The following PANX2 variants were observed in gnomAD, a reference collection of about 807,000 sequenced individuals.
PANX2 encodes the protein pannexin-2.
In PANX2, 30 loss-of-function variants were observed where a neutral mutation model predicts 38.7. The ratio of observed to expected loss-of-function variants is 0.78; its 90% CI spans 0.58 to 1.05. The LOEUF (loss-of-function observed/expected upper bound fraction) is 1.05. Ranked by LOEUF, PANX2 falls within the 50% of genes least tolerant of loss-of-function variation. The pLI is 0.00. For synonymous variants in PANX2, 539 were observed against 472.1 expected (o/e 1.14, Z -1.84); for missense variants, 880 against 979.3 (o/e 0.90, Z 1.35).
At position 50,177,090 on chromosome 22, in the gene PANX2, C is replaced by G; in HGVS notation, c.378C>G (p.Tyr126Ter). 1 of 1,610,846 alleles carries G rather than the reference C, an allele frequency of 6.2e-7. No individual in the cohort carries two copies. The highest frequency in any genetic ancestry group is 8.5e-7 in the Non-Finnish European group (1 of 1,179,054). The change falls in exon 2 of 3, where the codon TAC (tyrosine) becomes TAG (stop). Residue 126 changes from tyrosine to a stop codon, truncating the protein, a stop_gained. Transcript: ENST00000395842. LOFTEE classifies it high-confidence loss of function. Reference protein sequence around the residue: ...PSLFEHKFLPYALLAFAAIMY... With the variant: ...PSLFEHKFLP ...TGTTTGAGCACAAGTTCCTGCCCTA[C>G]GCGCTGCTGGCCTTCGCCGCCATCA... is the stretch of plus-strand genomic sequence containing the variant.
In PANX2 at chr22:50,179,458, C is replaced by T. The variant is rs898267438; in HGVS notation, c.*181C>T. 24 of 597,056 alleles carry T rather than the reference C, an allele frequency of 4.0e-5. No homozygotes were observed. Among genetic ancestry groups the T allele is most frequent in the Admixed American group, 6.5e-5 (2 of 30,978 alleles). The allele number at this position is 597,056 out of a possible 1,614,324, so 37.0% of individuals were successfully genotyped here. On this transcript the variant is annotated 3_prime_UTR_variant, in exon 3 of 3. Transcript: ENST00000395842. ...CCCACGTGCTCGACAGGGGAACCCG[C>T]CCGGACGGCATCGCCAGGCACTGGC...
Position 50,177,370 on chromosome 22 carries a change from A to G in PANX2, c.658A>G (p.Ser220Gly). 1.2e-6 allele frequency: 2 copies of G among 1,609,958 alleles called. No individual in the cohort carries two copies. The highest frequency in any genetic ancestry group is 1.7e-6 in the Non-Finnish European group (2 of 1,178,496). Residue 220 changes from serine (S) to glycine (G), a missense_variant, in exon 2 of 3, where the codon AGC becomes GGC. This residue lies in a region of PANX2 where 243 missense variants were observed against 333.1 expected (regional missense o/e 0.73). Coordinates refer to ENST00000395842, the MANE Select transcript of PANX2 (RefSeq NM_052839.4). ...GAAGTACCTGGAGCGCCGCGGCCGC[A>G]GCAACTTCCTGGCCAAGCTGTACCT... The part of the protein sequence containing the change: ...FEKYLERRGR[S>G]NFLAKLYLAR...
chr22:50,170,865 G>A lies in PANX2; in HGVS notation c.135G>A (p.Lys45=), dbSNP rs2063625801. The stretch of plus-strand genomic sequence containing the variant: ...TGGCCGCGCTGCTTCTGCAGCTGAA[G>A]CTGGAGCTGCCGTTCGACCGGGTGG... ...GALAALLLQL[K]LELPFDRVVT... is the part of the protein sequence containing the mutation. Residue 45 remains lysine (K), a synonymous_variant, in exon 1 of 3, where the codon AAG becomes AAA. Coordinates refer to ENST00000395842, the MANE Select transcript of PANX2 (RefSeq NM_052839.4). 9.9e-6 allele frequency: 15 copies of A among 1,519,014 alleles called. No individual in the cohort carries two copies. The highest frequency in any genetic ancestry group is 2.1e-5 in the Admixed American group (1 of 48,286). The allele number at this position is 1,519,014 out of a possible 1,614,324, so 94.1% of individuals were successfully genotyped here.
At chr22:50,171,014 G>A (rs2063626821) in intron 1 of PANX2, 58 bp downstream of exon 1, 2 of 938,728 alleles carry the variant, frequency 2.1e-6, no homozygotes, top group African/African-American at 1.8e-5. Context: ...CAGGTGTCCG[G>A]GAGCTGGCGC....
Position 50,178,063 on chromosome 22 carries a change from C to A in PANX2, c.1351C>A (p.Arg451Ser), listed in dbSNP as rs775415927. 3 of 1,554,028 alleles carry A rather than the reference C, an allele frequency of 1.9e-6. No individual in the cohort carries two copies. Among genetic ancestry groups the A allele is most frequent in the African/African-American group, 1.4e-5 (1 of 73,478 alleles). Residue 451 changes from arginine to serine, a missense_variant, in exon 2 of 3, where the codon CGC becomes AGC. Coordinates refer to ENST00000395842, the MANE Select transcript of PANX2 (RefSeq NM_052839.4). Reference protein sequence around the residue: ...QPFKEPLAIMRVENSKAEKPK... With the variant: ...QPFKEPLAIMSVENSKAEKPK... The stretch of plus-strand genomic sequence containing the variant: ...CTTCAAGGAGCCGCTGGCCATCATG[C>A]GCGTGGAGAACAGCAAGGCGGAGAA...
At position 50,179,965 on chromosome 22, in the gene PANX2, G is replaced by C. The variant is rs974355782; in HGVS notation, c.*688G>C. On this transcript the variant is annotated 3_prime_UTR_variant, in exon 3 of 3. Coordinates refer to ENST00000395842, the MANE Select transcript of PANX2 (RefSeq NM_052839.4). ...GGCATGAGCAGAGGTGAGCGTGAGCGAGCGGGTGTGTATGTACGAGTGTGC... is the reference window on the plus strand; with the variant it reads ...GGCATGAGCAGAGGTGAGCGTGAGCCAGCGGGTGTGTATGTACGAGTGTGC... 1 of 153,376 alleles carries C rather than the reference G, an allele frequency of 6.5e-6. No homozygotes were observed. The highest frequency in any genetic ancestry group is 1.5e-5 in the Non-Finnish European group (1 of 68,766). The allele number at this position is 153,376 out of a possible 1,614,324, so 9.5% of individuals were successfully genotyped here.
rs1441571730 is a variant in PANX2 at position 50,178,993 on chromosome 22, C to A, written c.1750C>A (p.Pro584Thr). 1 of 1,608,626 alleles carries A rather than the reference C, an allele frequency of 6.2e-7. No individual in the cohort carries two copies. Among genetic ancestry groups the A allele is most frequent in the Middle Eastern group, 1.7e-4 (1 of 6,046 alleles). Reference protein sequence around the residue: ...YPTEPARAGLPSGGPFHVRSP... With the variant: ...YPTEPARAGLTSGGPFHVRSP... The stretch of plus-strand genomic sequence containing the variant: ...CACAGAGCCAGCCCGGGCAGGGCTT[C>A]CCTCGGGGGGCCCGTTCCACGTCCG... Residue 584 changes from proline to threonine, a missense_variant, in exon 3 of 3, where the codon CCC (proline) becomes ACC (threonine). Pro to Thr is a conservative substitution (Grantham distance 38, BLOSUM62 -1). This residue lies in a region of PANX2 where 445 missense variants were observed against 404.3 expected (regional missense o/e 1.10). Coordinates refer to ENST00000395842, the MANE Select transcript of PANX2 (RefSeq NM_052839.4).
chr22:50,177,576 C>T lies in PANX2; in HGVS notation c.864C>T (p.Arg288=). The T allele has an allele frequency of 1.9e-6, 3 of 1,612,696 alleles. No individual in the cohort carries two copies. Among genetic ancestry groups the T allele is most frequent in the South Asian group, 1.1e-5 (1 of 91,090 alleles). The part of the protein sequence containing the change: ...SCKLPSVQLQ[R]IIAGVDIVLL... ...AGCTCCCGTCCGTGCAACTGCAGCG[C>T]ATCATCGCGGGCGTGGACATCGTGC... Residue 288 remains arginine, a synonymous_variant, in exon 2 of 3, where the codon CGC becomes CGT. Transcript: ENST00000395842.
chr22:50,171,410 G>A (rs2063630243), intron 1 of PANX2, among the ~76,000 whole-genome samples: 1 of 152,202 alleles, frequency 6.6e-6, no homozygotes, highest in African/African-American at 2.4e-5. Flanking sequence ...GGTGGAAGGA[G>A]GGCAGAGAGA....
At position 50,171,096 on chromosome 22, in the gene PANX2, C is replaced by A. The variant is rs1160683522; in HGVS notation, c.226+140C>A. Reference sequence around the variant, plus strand: ...GGCTGCGTCCGCGGCGTCCCAGGCACCTTCCACAGCCGCCCCCATCCTAGC... The same window carrying A: ...GGCTGCGTCCGCGGCGTCCCAGGCAACTTCCACAGCCGCCCCCATCCTAGC... On this transcript the variant is annotated intron_variant, in intron 1 of 2. Coordinates refer to ENST00000395842, the MANE Select transcript of PANX2 (RefSeq NM_052839.4). 1.0e-5 allele frequency: 4 copies of A among 382,340 alleles called. No homozygotes were observed. In the East Asian group the frequency reaches 1.7e-4, roughly 16 times the overall value. The allele number at this position is 382,340 out of a possible 1,614,324, so 23.7% of individuals were successfully genotyped here.
chr22:50,178,179 C>A lies in PANX2; in HGVS notation c.1467C>A (p.Gly489=), dbSNP rs1349956437. The change falls in exon 2 of 3, where the codon GGC becomes GGA. Residue 489 remains glycine, a synonymous_variant. Coordinates refer to ENST00000395842, the MANE Select transcript of PANX2 (RefSeq NM_052839.4). ...RSAHHYKGGG[G]DPGPGPAPAP... ...CCCACCACTACAAGGGCGGAGGGGG[C>A]GACCCGGGCCCCGGCCCCGCCCCTG... 2.7e-6 allele frequency: 4 copies of A among 1,488,640 alleles called. No homozygotes were observed. The highest frequency in any genetic ancestry group is 1.3e-5 in the South Asian group (1 of 75,780). 92.2% of individuals were successfully genotyped at this position (1,488,640 alleles called of 1,614,324 possible).
rs1301119208 is a variant in PANX2, at chr22:50,176,966, A to G, written c.254A>G (p.His85Arg). 1 of 1,559,458 alleles carries G rather than the reference A, an allele frequency of 6.4e-7. No individual in the cohort carries two copies. The highest frequency in any genetic ancestry group is 8.6e-7 in the Non-Finnish European group (1 of 1,160,420). The change falls in exon 2 of 3, where the codon CAC becomes CGC. Residue 85 changes from histidine (H) to arginine (R), a missense_variant. Physicochemically the swap from His to Arg is conservative, Grantham distance 29 (BLOSUM62 0). Around this residue, in one of 4 missense-constraint regions of PANX2, gnomAD observed 243 missense variants for 333.1 expected, o/e 0.73. Transcript: ENST00000395842. ...GAACCCATTTACTGTTACACCCCGC[A>G]CAACTTCACGCGCGACCAGGCGCTG... ...AEEPIYCYTP[H>R]NFTRDQALYA...
In PANX2 at chr22:50,177,137, G is replaced by A. The variant is rs1368141149; in HGVS notation, c.425G>A (p.Trp142Ter). The A allele has an allele frequency of 6.2e-7, 1 of 1,607,762 alleles. No homozygotes were observed. The highest frequency in any genetic ancestry group is 8.5e-7 in the Non-Finnish European group (1 of 1,177,346). Reference protein sequence around the residue: ...AAIMYVPALGWEFLASTRLTS... With the variant: ...AAIMYVPALG ...ATCATGTACGTGCCCGCGCTGGGCT[G>A]GGAGTTCCTGGCCTCCACGCGCCTC... is the stretch of plus-strand genomic sequence containing the variant. Residue 142 changes from tryptophan (W) to a stop codon, truncating the protein, a stop_gained, in exon 2 of 3, where the codon TGG becomes TAG. Coordinates refer to ENST00000395842, the MANE Select transcript of PANX2 (RefSeq NM_052839.4). LOFTEE classifies it high-confidence loss of function.
chr22:50,178,812 C>T, intron 2 of PANX2, 122 bp from the exon 3 acceptor site: 1 of 815,760 alleles, frequency 1.2e-6, no homozygotes, highest in Non-Finnish European at 1.9e-6. Context: ...CGTCCAGGCC[C>T]AGCGTCTCCA....
intron 1 of PANX2, 36 bp downstream of exon 1, chr22:50,170,992 A>AG: frequency 8.1e-7 from 1 of 1,235,876 alleles, no homozygotes; most frequent in Non-Finnish European, 1.1e-6. Context: ...GCGCGGGCAG[A>AG]GGGGGCGTCC....
rs755004499 is a variant in PANX2, at chr22:50,179,155, GAGGACGGGGGCCCCCGCCTGCCGC to G, written c.1919_1942del (p.Gly640_Asp647del). ...CACGCTGTACGAGGCCCGGGAGGAG[GAGGACGGGGGCCCCCGCCTGCCGC>G]AGGACGTGGGGGACCTCATCGCCAT... is the stretch of plus-strand genomic sequence containing the variant. On this transcript the variant is annotated inframe_deletion, in exon 3 of 3. Transcript: ENST00000395842. 1.6e-5 allele frequency: 26 copies of G among 1,612,266 alleles called. No individual in the cohort carries two copies. The East Asian group carries it at 5.8e-4, about 36-fold the overall frequency.
At chr22:50,171,195 C>T (rs1289014521) in intron 1 of PANX2, among the ~76,000 whole-genome samples, 1 of 152,184 alleles carries the variant, frequency 6.6e-6, no homozygotes, top group Non-Finnish European at 1.5e-5. Flanking sequence ...CGCCCATGGC[C>T]GCGGGTGGGA....
At chr22:50,174,000 G>T (rs571683094) in intron 1 of PANX2, among the ~76,000 whole-genome samples, 2 of 152,174 alleles carry the variant, frequency 1.3e-5, no homozygotes, top group African/African-American at 4.8e-5. Context: ...TGGCATCTTT[G>T]GGGGCCATGA....
At position 50,178,211 on chromosome 22, in the gene PANX2, C is replaced by T. The variant is rs755238378; in HGVS notation, c.1499C>T (p.Ala500Val). ...DPGPGPAPAP[A>V]PPPAPDKKHA... ...GGCCCCGGCCCCGCCCCTGCCCCCGCCCCGCCGCCCGCCCCTGACAAGAAG... is the reference window on the plus strand; with the variant it reads ...GGCCCCGGCCCCGCCCCTGCCCCCGTCCCGCCGCCCGCCCCTGACAAGAAG... The change falls in exon 2 of 3, where the codon GCC becomes GTC. Residue 500 changes from alanine to valine, a missense_variant. Ala to Val is a moderately conservative substitution (Grantham distance 64, BLOSUM62 0). This residue lies in a region of PANX2 where 445 missense variants were observed against 404.3 expected (regional missense o/e 1.10). Transcript: ENST00000395842. 1 of 1,464,488 alleles carries T rather than the reference C, an allele frequency of 6.8e-7. No individual in the cohort carries two copies. Among genetic ancestry groups the T allele is most frequent in the East Asian group, 2.6e-5 (1 of 38,194 alleles). 90.7% of individuals were successfully genotyped at this position (1,464,488 alleles called of 1,614,324 possible). A position where few individuals can be genotyped will look rare whatever the true frequency, so the allele number is the denominator to read the frequency against.
Sources: gnomAD v4.1 joint callset for allele counts (sites outside exome capture counted in the v4.1 genomes callset) on GRCh38, gnomAD v4.1.1 for gene constraint, gnomAD v4.1.1 regional missense constraint, MANE v1.5 for transcripts, NCBI Gene and HGNC (gene_info 2026-07-23, HGNC 2026-07-21) for gene names.